RNF216: variants seen among roughly 807,000 people sequenced by gnomAD.
RNF216 encodes the protein ring finger protein 216, also known as E3 ubiquitin-protein ligase RNF216.
A neutral mutation model predicts 110.8 loss-of-function variants in RNF216; 72 were observed. The ratio of observed to expected loss-of-function variants is 0.65; its 90% confidence interval spans 0.54 to 0.79. The LOEUF is 0.79. RNF216 is among the 30% of genes least tolerant of loss of function. The pLI is 0.00. For synonymous variants in RNF216, 495 were observed against 407.5 expected, an observed-to-expected ratio of 1.21 and a Z score of -2.59; for missense variants, 1,342 against 1,141.2, an observed-to-expected ratio of 1.18 and a Z score of -2.54.
chr7:5,755,689 CCTT>C (rs1313949736), intron 2 of RNF216, among the ~76,000 whole-genome samples: 3 of 152,016 alleles, frequency 2.0e-5, no homozygotes, highest in Non-Finnish European at 2.9e-5. Context: ...TAAAATTATT[CCTT>C]CTTCTGTTGA....
intron 8 of RNF216, among the ~76,000 whole-genome samples, chr7:5,723,430 G>A (rs536582721): frequency 9.1e-4 from 138 of 152,052 alleles, no homozygotes; most frequent in Non-Finnish European, 1.4e-3. Flanking sequence ...GGCGGATCAC[G>A]AGGTCAGGAG....
chr7:5,723,350 A>G (rs767902226), intron 8 of RNF216, among the ~76,000 whole-genome samples: 2 of 152,086 alleles, frequency 1.3e-5, no homozygotes, highest in Non-Finnish European at 2.9e-5. Flanking sequence ...CCTTTATTTT[A>G]AAAAATAAAT....
intron 13 of RNF216, among the ~76,000 whole-genome samples, chr7:5,677,914 C>T (rs1308777770): frequency 6.6e-6 from 1 of 152,194 alleles, no homozygotes; most frequent in Non-Finnish European, 1.5e-5. Context: ...GGTTTACATA[C>T]ACAGCCCCAG....
Position 5,725,312 on chromosome 7 carries a change from A to C in RNF216, c.1504+12T>G. On this transcript the variant is annotated intron_variant, in intron 8 of 16. Coordinates refer to ENST00000389902, the MANE Select transcript of RNF216 (RefSeq NM_207111.4). Reference sequence around the variant, plus strand: ...TGCAGCTACACACTGCCACCAACACAGTTTGCATTACCTTGTTCAAACTTG... The same window carrying C: ...TGCAGCTACACACTGCCACCAACACCGTTTGCATTACCTTGTTCAAACTTG... 3 of 1,453,500 alleles carry C rather than the reference A, an allele frequency of 2.1e-6. No homozygotes were observed. The highest frequency in any genetic ancestry group is 2.9e-6 in the Non-Finnish European group (3 of 1,033,938). The allele number at this position is 1,453,500 out of a possible 1,614,324, so 90.0% of individuals were successfully genotyped here. A position where few individuals can be genotyped will look rare whatever the true frequency, so the allele number is the denominator to read the frequency against.
At chr7:5,672,599 T>A (rs776691410) in intron 13 of RNF216, among the ~76,000 whole-genome samples, 30 of 152,208 alleles carry the variant, frequency 2.0e-4, no homozygotes, top group Admixed American at 3.9e-4. Flanking sequence ...TTGAATTACA[T>A]TTTTATCCAC....
intron 15 of RNF216, among the ~76,000 whole-genome samples, chr7:5,638,493 C>T (rs148803197): frequency 6.6e-6 from 1 of 152,254 alleles, no homozygotes; most frequent in East Asian, 1.9e-4. Context: ...CCCACTATGC[C>T]CAATTACAGT....
intron 1 of RNF216, among the ~76,000 whole-genome samples, chr7:5,771,014 G>C (rs1274649649): frequency 1.3e-5 from 2 of 152,080 alleles, no homozygotes; most frequent in African/African-American, 4.8e-5. Flanking sequence ...CACCATGTTG[G>C]CCAGGCTGGT....
chr7:5,775,370 T>C (rs1164681400), intron 1 of RNF216, among the ~76,000 whole-genome samples: 4 of 152,186 alleles, frequency 2.6e-5, no homozygotes, highest in Non-Finnish European at 5.9e-5. Context: ...AAATCATTTT[T>C]TTCTCCTTGT....
chr7:5,730,835 G>A lies in RNF216; in HGVS notation c.1122-18C>T, dbSNP rs1562439466. On this transcript the variant is annotated intron_variant, in intron 5 of 16. Coordinates refer to ENST00000389902, the MANE Select transcript of RNF216 (RefSeq NM_207111.4). ...TACAAAGTCTGCAGAAACAAATGATGTTACTTTCATACTGCTTCCAAATCC... is the reference window on the plus strand; with the variant it reads ...TACAAAGTCTGCAGAAACAAATGATATTACTTTCATACTGCTTCCAAATCC... 3.2e-6 allele frequency: 5 copies of A among 1,573,692 alleles called. No homozygotes were observed. The highest frequency in any genetic ancestry group is 3.7e-5 in the Admixed American group (2 of 53,760).
intron 8 of RNF216, among the ~76,000 whole-genome samples, chr7:5,722,412 C>G (rs1311573523): frequency 2.0e-5 from 3 of 147,470 alleles, no homozygotes; most frequent in Non-Finnish European, 4.5e-5. Flanking sequence ...TTTTTTGAGA[C>G]AGAGTCTCAC....
intron 13 of RNF216, among the ~76,000 whole-genome samples, chr7:5,655,136 A>G (rs1788652523): frequency 6.6e-6 from 1 of 152,180 alleles, no homozygotes; most frequent in Non-Finnish European, 1.5e-5. Context: ...CCCATTTTTG[A>G]GATGAGGCAC....
In RNF216 at chr7:5,623,001, T is replaced by C. The variant is rs1389825001; in HGVS notation, c.2631A>G (p.Pro877=). 5.6e-6 allele frequency: 9 copies of C among 1,613,396 alleles called. No homozygotes were observed. The Admixed American group carries it at 6.7e-5, about 12-fold the overall frequency. Residue 877 remains proline (P), a synonymous_variant, in exon 17 of 17, where the codon CCA becomes CCG. Coordinates refer to ENST00000389902, the MANE Select transcript of RNF216 (RefSeq NM_207111.4). ...PPVRPVFNNF[P]LNMGPIPAPY... is the part of the protein sequence containing the mutation. Reference sequence around the variant, plus strand: ...GGGCTGGGATAGGCCCCATGTTGAGTGGGAAGTTGTTGAACACAGGCCGCA... The same window carrying C: ...GGGCTGGGATAGGCCCCATGTTGAGCGGGAAGTTGTTGAACACAGGCCGCA...
At chr7:5,751,847 A>G (rs1795345187) in intron 3 of RNF216, among the ~76,000 whole-genome samples, 1 of 150,704 alleles carries the variant, frequency 6.6e-6, no homozygotes, top group Non-Finnish European at 1.5e-5. Context: ...AAAAAAAAAA[A>G]AAAAAAAAAG....
rs186298636 is a variant in RNF216 at position 5,741,680 on chromosome 7, C to G, written c.337G>C (p.Val113Leu). 125 of 1,614,220 alleles carry G rather than the reference C, an allele frequency of 7.7e-5. No homozygotes were observed. In the African/African-American group the frequency reaches 1.3e-3, roughly 17 times the overall value. The change falls in exon 4 of 17, where the codon GTG becomes CTG. Residue 113 changes from valine to leucine, a missense_variant. Coordinates refer to ENST00000389902, the MANE Select transcript of RNF216 (RefSeq NM_207111.4). ...GAATCAAACAATGGGTTGTTACACA[C>G]TGAAAAATAGCTGCTCTTATCTGAT... The part of the protein sequence containing the change: ...FESDKSSYFS[V>L]CNNPLFDSGA...
At chr7:5,708,859 G>A (rs965592015) in intron 13 of RNF216, among the ~76,000 whole-genome samples, 4 of 152,088 alleles carry the variant, frequency 2.6e-5, no homozygotes, top group African/African-American at 9.7e-5. Context: ...CCCAAATGCT[G>A]AACACATGCT....
chr7:5,639,628 T>C (rs919970661), intron 15 of RNF216, among the ~76,000 whole-genome samples: 5 of 151,974 alleles, frequency 3.3e-5, no homozygotes, highest in Non-Finnish European at 7.4e-5. Flanking sequence ...GCCCGGCTAA[T>C]ATTTATATTT....
chr7:5,629,112 C>G (rs971781666), intron 15 of RNF216, among the ~76,000 whole-genome samples: 3 of 150,522 alleles, frequency 2.0e-5, no homozygotes, highest in African/African-American at 4.9e-5. Context: ...GGCAGAATTG[C>G]TTGAAGCTGC....
intron 5 of RNF216, among the ~76,000 whole-genome samples, chr7:5,733,906 A>T (rs1163376483): frequency 6.6e-6 from 1 of 152,252 alleles, no homozygotes; most frequent in Admixed American, 6.5e-5. Flanking sequence ...AGCCTACAAG[A>T]AAGTTTTCAT....
At chr7:5,684,724 G>A (rs966774749) in intron 13 of RNF216, among the ~76,000 whole-genome samples, 1 of 152,214 alleles carries the variant, frequency 6.6e-6, no homozygotes. Context: ...TCCAGTGGGT[G>A]TTCAAGCAAT....
Sources: gnomAD v4.1 joint callset for allele counts (sites outside exome capture counted in the v4.1 genomes callset) on GRCh38, gnomAD v4.1.1 for gene constraint, MANE v1.5 for transcripts, NCBI Gene and HGNC (gene_info 2026-07-23, HGNC 2026-07-21) for gene names.